Variants in MEI4 observed in about 807,000 individuals in gnomAD.
MEI4 encodes the protein meiosis-specific protein MEI4.
Under a neutral mutation model 31.4 loss-of-function variants are expected in MEI4, and 27 were observed. The ratio of observed to expected loss-of-function variants is 0.86; its 90% CI spans 0.63 to 1.19. The LOEUF (loss-of-function observed/expected upper bound fraction) is 1.19, where lower values mean the gene tolerates loss of function less well. Ranked by LOEUF, MEI4 falls within the 50% of genes most tolerant of loss-of-function variation. MEI4 has a pLI of 0.00. For synonymous variants in MEI4, 122 were observed against 145.4 expected (o/e 0.84, Z 1.16); for missense variants, 329 against 398.9 (o/e 0.82, Z 1.49).
intron 4 of MEI4, among the ~76,000 whole-genome samples, chr6:77,894,578 CT>C (rs1164698982): frequency 2.6e-5 from 4 of 151,996 alleles, no homozygotes; most frequent in Non-Finnish European, 5.9e-5. Context: ...AATATGATGC[CT>C]TTTAATTTCT....
chr6:77,847,138 G>T lies in MEI4; in HGVS notation c.900+18076G>T, dbSNP rs1278192506. ...GGTGAGTTAATGAAAAATTGAAAAT[G>T]AGTTTAAATAAAAGATTCAGTGGTA... On this transcript the variant is annotated intron_variant, in intron 4 of 4. Transcript: ENST00000684080. This position sits in a 1 kb window ranked among gnomAD's most constrained non-coding sequence, Gnocchi z 4.6. Among the ~76,000 whole-genome samples the T allele has an allele frequency of 1.3e-5, 2 of 152,092 alleles. No individual in the cohort carries two copies. Among genetic ancestry groups the T allele is most frequent in the Non-Finnish European group, 2.9e-5 (2 of 68,012 alleles).
At chr6:77,731,550 T>G (rs1766992653) in intron 2 of MEI4, among the ~76,000 whole-genome samples, 3 of 151,380 alleles carry the variant, frequency 2.0e-5, no homozygotes, top group Non-Finnish European at 3.0e-5. Context: ...ATGAGTAGGT[T>G]GTGAAAATTT....
At chr6:77,893,279 A>G (rs915608615) in intron 4 of MEI4, among the ~76,000 whole-genome samples, 3 of 152,190 alleles carry the variant, frequency 2.0e-5, no homozygotes, top group Admixed American at 2.0e-4. Context: ...TAACGTGTGT[A>G]TTAACATATG....
chr6:77,661,858 G>T (rs1768517052), intron 1 of MEI4, among the ~76,000 whole-genome samples: 3 of 152,130 alleles, frequency 2.0e-5, no homozygotes, highest in Non-Finnish European at 4.4e-5. Context: ...AGAAAAACTG[G>T]CCGTGAGGGA....
In MEI4 at chr6:77,755,191, T is replaced by C. The variant is rs117568652; in HGVS notation, c.233-5939T>C. 7.8e-4 allele frequency among the ~76,000 whole-genome samples: 118 copies of C among 151,852 alleles called. 2 individuals are homozygous for C. In the East Asian group the frequency reaches 0.02, roughly 26 times the overall value. The stretch of plus-strand genomic sequence containing the variant: ...TGTCCTGAAAAAAAAGAAAAAGAGA[T>C]GGTGTGATTGTGAATAAATAGAGTA... On this transcript the variant is annotated intron_variant, in intron 2 of 4. Coordinates refer to ENST00000684080, the MANE Select transcript of MEI4 (RefSeq NM_001322247.2).
intron 4 of MEI4, among the ~76,000 whole-genome samples, chr6:77,834,621 C>T (rs1157345482): frequency 6.6e-6 from 1 of 151,948 alleles, no homozygotes; most frequent in Non-Finnish European, 1.5e-5. Flanking sequence ...AGGGTCCAAG[C>T]CGCTTGCAGT....
intron 4 of MEI4, among the ~76,000 whole-genome samples, chr6:77,841,355 T>TTTTTTTTTA (rs1770360649): frequency 7.6e-6 from 1 of 132,328 alleles, no homozygotes; most frequent in Non-Finnish European, 1.6e-5. Context: ...TTTTTTTTTT[T>TTTTTTTTTA]TGAGATGGAG....
At chr6:77,877,715 C>CT (rs56798153) in intron 4 of MEI4, among the ~76,000 whole-genome samples, 18,140 of 125,794 alleles carry the variant, frequency 0.14, 1,713 homozygotes, top group African/African-American at 0.24. Context: ...AGCAGTCAGC[C>CT]TTTTTTTTTT....
intron 3 of MEI4, among the ~76,000 whole-genome samples, chr6:77,806,842 A>G (rs956462099): frequency 2.0e-5 from 3 of 152,028 alleles, no homozygotes; most frequent in Non-Finnish European, 4.4e-5. Context: ...TTTGTAAATC[A>G]GGTTTTACTG....
intron 2 of MEI4, among the ~76,000 whole-genome samples, chr6:77,691,929 A>G (rs1769165166): frequency 1.3e-5 from 2 of 151,826 alleles, no homozygotes; most frequent in African/African-American, 4.8e-5. Context: ...AAAAAAACAC[A>G]TAAATCAGGC....
At chr6:77,705,808 G>A (rs941451019) in intron 2 of MEI4, among the ~76,000 whole-genome samples, 4 of 152,192 alleles carry the variant, frequency 2.6e-5, no homozygotes, top group South Asian at 2.1e-4. Context: ...AAATTTAAGT[G>A]TGTGTGGGCA....
intron 2 of MEI4, among the ~76,000 whole-genome samples, chr6:77,727,857 C>A (rs1474430901): frequency 6.6e-6 from 1 of 152,236 alleles, no homozygotes; most frequent in Non-Finnish European, 1.5e-5. Flanking sequence ...GCAGCTCAGA[C>A]TTGGAGCATC....
intron 3 of MEI4, among the ~76,000 whole-genome samples, chr6:77,804,420 G>T (rs930017658): frequency 6.6e-6 from 1 of 152,170 alleles, no homozygotes; most frequent in African/African-American, 2.4e-5. Context: ...GCAATGCCTC[G>T]CTTTGCTTTG....
chr6:77,783,194 A>C (rs1471986103), intron 3 of MEI4, among the ~76,000 whole-genome samples: 2 of 152,186 alleles, frequency 1.3e-5, no homozygotes, highest in Non-Finnish European at 2.9e-5. Flanking sequence ...CAATGACTTT[A>C]GGTTTATCTA....
At chr6:77,666,880 T>TGCGTGCGTGCGTGC (rs146541507) in intron 1 of MEI4, among the ~76,000 whole-genome samples, 2 of 147,566 alleles carry the variant, frequency 1.4e-5, no homozygotes, top group Admixed American at 1.4e-4. Context: ...TGTGTGTGTG[T>TGCGTGCGTGCGTGC]GTGCGTGCGT....
intron 3 of MEI4, among the ~76,000 whole-genome samples, chr6:77,815,083 T>G (rs1406205070): frequency 2.6e-5 from 4 of 152,130 alleles, no homozygotes; most frequent in African/African-American, 9.7e-5. Context: ...TTGGTGTTAC[T>G]TTTTAAGCTC....
chr6:77,902,133 A>G (rs891765788), intron 4 of MEI4, among the ~76,000 whole-genome samples: 2 of 152,132 alleles, frequency 1.3e-5, no homozygotes, highest in African/African-American at 2.4e-5. Context: ...GAAATCAGAT[A>G]GTATGATGCA....
At chr6:77,800,739 A>G (rs1269206811) in intron 3 of MEI4, among the ~76,000 whole-genome samples, 1 of 152,152 alleles carries the variant, frequency 6.6e-6, no homozygotes, top group Admixed American at 6.5e-5. Flanking sequence ...TTCTGCATCT[A>G]TTGAGATAAT....
At chr6:77,800,940 A>G (rs929173523) in intron 3 of MEI4, among the ~76,000 whole-genome samples, 7 of 152,086 alleles carry the variant, frequency 4.6e-5, no homozygotes, top group Admixed American at 1.3e-4. Flanking sequence ...CAGGGATATT[A>G]GTCTAAAATT....
Sources: gnomAD v4.1 joint callset for allele counts (sites outside exome capture counted in the v4.1 genomes callset) on GRCh38, gnomAD v4.1.1 for gene constraint, Gnocchi (gnomAD v3.1) non-coding constraint, MANE v1.5 for transcripts, NCBI Gene and HGNC (gene_info 2026-07-23, HGNC 2026-07-21) for gene names.